Variants in PLOD2 observed in about 807,000 individuals in gnomAD.
PLOD2 encodes procollagen-lysine,2-oxoglutarate 5-dioxygenase 2.
In PLOD2, 65 loss-of-function variants were observed where a neutral mutation model predicts 101.0. That is an observed-to-expected ratio of 0.64 (90% confidence interval 0.53 to 0.79). The LOEUF (loss-of-function observed/expected upper bound fraction) is 0.79, where lower values mean the gene tolerates loss of function less well. Among genes scored for constraint, PLOD2 ranks in the 30% least tolerant of loss-of-function variants. The probability of loss-of-function intolerance (pLI) is 0.00; values close to 1 mark genes in which losing one functional copy is unlikely to be tolerated. For synonymous variants in PLOD2, 314 were observed against 302.9 expected, an observed-to-expected ratio of 1.04 and a Z score of -0.38; for missense variants, 909 against 914.6, an observed-to-expected ratio of 0.99 and a Z score of 0.08.
rs758661450 is a variant in PLOD2 at position 146,071,304 on chromosome 3, C to T, written c.1968G>A (p.Leu656=). ...TCGTATAATAGCCTGCAAAGACCTT[C>T]AGTGTAACTGGTGCAATGAACTCCC... The part of the protein sequence containing the change: ...FIREFIAPVT[L]KVFAGYYTKG... Residue 656 remains leucine (L), a synonymous_variant, in exon 18 of 20, where the codon CTG becomes CTA. Coordinates refer to ENST00000282903, the MANE Select transcript of PLOD2 (RefSeq NM_182943.3). The T allele has an allele frequency of 6.8e-6, 11 of 1,612,012 alleles. No individual in the cohort carries two copies. The African/African-American group carries it at 1.5e-4, about 22-fold the overall frequency.
intron 1 of PLOD2, among the ~76,000 whole-genome samples, chr3:146,141,682 T>C (rs555667872): frequency 6.6e-6 from 1 of 152,156 alleles, no homozygotes; most frequent in South Asian, 2.1e-4. Flanking sequence ...TGATACACAG[T>C]AGGCACTCAA....
rs931622088 is a variant in PLOD2, at chr3:146,081,759, T to G, written c.1337A>C (p.Asp446Ala). 8 of 1,609,270 alleles carry G rather than the reference T, an allele frequency of 5.0e-6. No individual in the cohort carries two copies. The highest frequency in any genetic ancestry group is 1.6e-4 in the Middle Eastern group (1 of 6,072). The change falls in exon 12 of 20, where the codon GAT (aspartate) becomes GCT (alanine). Residue 446 changes from aspartate (D) to alanine (A), a missense_variant. By Grantham distance (126) the Asp-to-Ala change is moderately radical. Transcript: ENST00000282903. ...TTACACTCTATTCCCTTGAACAATA[T>G]CCACATAATCTTCAGATCGTGCATA... ...GYYARSEDYV[D>A]IVQGNRVGVW...
intron 1 of PLOD2, among the ~76,000 whole-genome samples, chr3:146,145,405 C>G (rs2031729346): frequency 6.6e-6 from 1 of 151,954 alleles, no homozygotes; most frequent in African/African-American, 2.4e-5. Flanking sequence ...TCACAATGAG[C>G]AAAACAAATG....
rs146798150 is a variant in PLOD2 at position 146,134,921 on chromosome 3, A to G, written c.110-10692T>C. On this transcript the variant is annotated intron_variant, in intron 1 of 19. Coordinates refer to ENST00000282903, the MANE Select transcript of PLOD2 (RefSeq NM_182943.3). ...TTTATGTACAAGTCTGCCGAAATTA[A>G]AGCAATGAAAATAAATGGATGAGTT... Among the ~76,000 whole-genome samples the G allele has an allele frequency of 9.7e-4, 148 of 152,342 alleles. 1 individual carries two copies. The highest frequency in any genetic ancestry group is 3.5e-3 in the African/African-American group (147 of 41,574).
At chr3:146,110,947 G>GA (rs1937619461) in intron 3 of PLOD2, among the ~76,000 whole-genome samples, 1 of 152,120 alleles carries the variant, frequency 6.6e-6, no homozygotes. Context: ...GTTTAGCATG[G>GA]AATCTTAAAA....
At chr3:146,118,493 C>A (rs1192982591) in intron 3 of PLOD2, among the ~76,000 whole-genome samples, 2 of 151,826 alleles carry the variant, frequency 1.3e-5, no homozygotes, top group African/African-American at 4.8e-5. Context: ...TTTTCATCTG[C>A]AAATAATTTG....
In PLOD2 at chr3:146,073,289, G is replaced by C; in HGVS notation, c.1741C>G (p.Gln581Glu). The C allele has an allele frequency of 8.6e-7, 1 of 1,168,710 alleles. No individual in the cohort carries two copies. The highest frequency in any genetic ancestry group is 1.2e-6 in the Non-Finnish European group (1 of 800,742). 72.4% of individuals were successfully genotyped at this position (1,168,710 alleles called of 1,614,324 possible). Residue 581 changes from glutamine (Q) to glutamate (E), a missense_variant and splice_region_variant, in exon 16 of 20, where the codon CAG becomes GAG. Physicochemically the swap from Gln to Glu is conservative, Grantham distance 29 (BLOSUM62 2). Transcript: ENST00000282903. ...SKIFTENIVE[Q>E]PCPDVFWFPI... Reference sequence around the variant, plus strand: ...ACTTTGTAATCATTAATACAAACCTGTTCAACTATATTTTCAGTGAAAATC... The same window carrying C: ...ACTTTGTAATCATTAATACAAACCTCTTCAACTATATTTTCAGTGAAAATC...
At chr3:146,131,600 G>A (rs2030914453) in intron 1 of PLOD2, among the ~76,000 whole-genome samples, 1 of 152,170 alleles carries the variant, frequency 6.6e-6, no homozygotes, top group South Asian at 2.1e-4. Context: ...CTCAGGGTCA[G>A]TCTAGCAAAG....
intron 1 of PLOD2, among the ~76,000 whole-genome samples, chr3:146,146,678 C>G (rs1233269251): frequency 1.3e-5 from 2 of 152,092 alleles, no homozygotes; most frequent in South Asian, 2.1e-4. Context: ...TTTATGGAAG[C>G]CTATTTCTGA....
intron 3 of PLOD2, among the ~76,000 whole-genome samples, chr3:146,117,071 A>G: frequency 6.6e-6 from 1 of 152,152 alleles, no homozygotes; most frequent in East Asian, 1.9e-4. Flanking sequence ...ACGACTCTGT[A>G]AATTTAATTA....
At chr3:146,103,232 C>T (rs1334958457) in intron 6 of PLOD2, among the ~76,000 whole-genome samples, 2 of 152,124 alleles carry the variant, frequency 1.3e-5, no homozygotes, top group African/African-American at 2.4e-5. Context: ...ATGGTATCCA[C>T]GTCTGTCTTT....
chr3:146,148,336 A>ATG (rs1553742428), intron 1 of PLOD2, among the ~76,000 whole-genome samples: 3 of 83,980 alleles, frequency 3.6e-5, no homozygotes, highest in Non-Finnish European at 8.1e-5. Flanking sequence ...GCAGGCAGGC[A>ATG]CGCACACACA....
rs1370868079 is a variant in PLOD2, at chr3:146,161,055, G to C, written c.-66C>G. On this transcript the variant is annotated 5_prime_UTR_variant, in exon 1 of 20. Transcript: ENST00000282903. ...CCCCGCAGCGCCGCGCTTCTCGCGA[G>C]AACGCAGAGACCCGGGTCCGCCCTG... The C allele has an allele frequency of 1.7e-6, 2 of 1,177,506 alleles. No individual in the cohort carries two copies. The highest frequency in any genetic ancestry group is 1.5e-5 in the African/African-American group (1 of 65,264). The allele number at this position is 1,177,506 out of a possible 1,614,324, so 72.9% of individuals were successfully genotyped here.
chr3:146,090,949 T>C (rs918506668), intron 8 of PLOD2, among the ~76,000 whole-genome samples: 3 of 151,838 alleles, frequency 2.0e-5, no homozygotes, highest in Non-Finnish European at 4.4e-5. Flanking sequence ...AATCAATGCT[T>C]CATACATATA....
intron 12 of PLOD2, among the ~76,000 whole-genome samples, chr3:146,080,247 C>T (rs1936489365): frequency 6.6e-6 from 1 of 151,860 alleles, no homozygotes; most frequent in Admixed American, 6.6e-5. Flanking sequence ...TTTTCCTACA[C>T]ATATATACTT....
At chr3:146,111,181 T>C (rs949636491) in intron 3 of PLOD2, among the ~76,000 whole-genome samples, 1 of 152,202 alleles carries the variant, frequency 6.6e-6, no homozygotes, top group East Asian at 1.9e-4. Flanking sequence ...TATCTAAAAT[T>C]TTTCTACTCT....
chr3:146,079,575 T>A (rs949060106), intron 12 of PLOD2, among the ~76,000 whole-genome samples: 7 of 151,996 alleles, frequency 4.6e-5, no homozygotes, highest in Non-Finnish European at 7.4e-5. Flanking sequence ...ATAGACGGTG[T>A]TTCTATTTAA....
chr3:146,129,758 A>G (rs2030799127), intron 1 of PLOD2, among the ~76,000 whole-genome samples: 1 of 152,142 alleles, frequency 6.6e-6, no homozygotes, highest in African/African-American at 2.4e-5. Flanking sequence ...AAAATTATGG[A>G]AAAATAGTCG....
chr3:146,153,908 C>A lies in PLOD2; in HGVS notation c.109+6973G>T, dbSNP rs911612524. Among the ~76,000 whole-genome samples, 4 of 150,652 alleles carry A rather than the reference C, an allele frequency of 2.7e-5. No individual in the cohort carries two copies. In the East Asian group the frequency reaches 7.7e-4, roughly 29 times the overall value. On this transcript the variant is annotated intron_variant, in intron 1 of 19. Transcript: ENST00000282903. ...TCTCTCACCTACCGTTTGGAAGGAA[C>A]CCTAAAATAGGTTAGCAGTAACTAG...
Sources: allele counts gnomAD v4.1 joint callset (sites outside exome capture counted in the v4.1 genomes callset), GRCh38; gene constraint gnomAD v4.1.1; transcripts MANE v1.5; gene names NCBI Gene and HGNC (gene_info 2026-07-23, HGNC 2026-07-21).